SORCS1: variants seen among roughly 807,000 people sequenced by gnomAD.
SORCS1 encodes the protein VPS10 domain-containing receptor SorCS1.
SORCS1 carries 60 observed loss-of-function variants against 146.1 expected under a neutral mutation model. The observed-to-expected ratio is 0.41, with a 90% CI of 0.33 to 0.51. The LOEUF (loss-of-function observed/expected upper bound fraction) is 0.51, where lower values mean the gene tolerates loss of function less well. Ranked by LOEUF, SORCS1 falls within the 20% of genes least tolerant of loss-of-function variation. The pLI is 0.21. For synonymous variants in SORCS1, 637 were observed against 584.0 expected (o/e 1.09, Z -1.31); for missense variants, 1,352 against 1,487.6 (o/e 0.91, Z 1.50).
In SORCS1 at chr10:107,164,134, C is replaced by G. The variant is rs1334156379; in HGVS notation, c.393G>C (p.Val131=). The G allele has an allele frequency of 4.3e-6, 7 of 1,613,426 alleles. No homozygotes were observed. Among genetic ancestry groups the G allele is most frequent in the Non-Finnish European group, 5.9e-6 (7 of 1,180,016 alleles). The change falls in exon 1 of 26, where the codon GTG becomes GTC. Residue 131 remains valine, a synonymous_variant. Transcript: ENST00000263054. The surrounding 1 kb of genome is among the most constrained non-coding windows in gnomAD (Gnocchi z 6.8). The part of the protein sequence containing the change: ...GEGASRSPRG[V]LRDGGQQEPG... Reference sequence around the variant, plus strand: ...GCTCCTGCTGCCCTCCATCTCTTAGCACTCCCCGGGGGCTCCGACTCGCGC... The same window carrying G: ...GCTCCTGCTGCCCTCCATCTCTTAGGACTCCCCGGGGGCTCCGACTCGCGC...
At chr10:106,676,197 G>A (rs946294615) in intron 13 of SORCS1, among the ~76,000 whole-genome samples, 7 of 152,112 alleles carry the variant, frequency 4.6e-5, no homozygotes, top group African/African-American at 1.7e-4. Flanking sequence ...CCAGGCTTTT[G>A]ATTTTGGACA....
chr10:107,015,902 G>C (rs1174277363), intron 1 of SORCS1, among the ~76,000 whole-genome samples: 1 of 152,152 alleles, frequency 6.6e-6, no homozygotes, highest in Non-Finnish European at 1.5e-5. Context: ...GGATGATGGG[G>C]ACACTAAAAT....
chr10:107,048,341 C>A (rs1959719208), intron 1 of SORCS1, among the ~76,000 whole-genome samples: 1 of 152,230 alleles, frequency 6.6e-6, no homozygotes, highest in African/African-American at 2.4e-5. Flanking sequence ...ACATAAATTA[C>A]CTTAGCATGT....
intron 2 of SORCS1, among the ~76,000 whole-genome samples, chr10:106,918,982 G>A (rs922533960): frequency 6.6e-6 from 1 of 152,062 alleles, no homozygotes; most frequent in Non-Finnish European, 1.5e-5. Context: ...GACCACAGGT[G>A]TGCACCACCA....
chr10:106,688,439 T>C (rs561672389), intron 9 of SORCS1, 101 bp from the exon 10 acceptor site: 24 of 1,395,528 alleles, frequency 1.7e-5, no homozygotes, highest in Middle Eastern at 2.4e-4. Flanking sequence ...CTGAGAGCAC[T>C]TGCCTTGGAG....
At chr10:107,065,914 A>G (rs1961804164) in intron 1 of SORCS1, among the ~76,000 whole-genome samples, 1 of 152,184 alleles carries the variant, frequency 6.6e-6, no homozygotes. Context: ...TTGAGGCTCA[A>G]GCTCCCAAGC....
chr10:107,023,119 G>A (rs1461336928), intron 1 of SORCS1, among the ~76,000 whole-genome samples: 4 of 152,310 alleles, frequency 2.6e-5, no homozygotes, highest in African/African-American at 9.6e-5. Context: ...AGTTACATCA[G>A]ATAATGCATG....
chr10:106,642,190 C>T (rs148152672), intron 18 of SORCS1, among the ~76,000 whole-genome samples: 199 of 152,218 alleles, frequency 1.3e-3, no homozygotes, highest in Non-Finnish European at 1.7e-3. Flanking sequence ...CTAGCTCCAT[C>T]GAAGGAAGAC....
At chr10:106,747,884 A>G (rs2136155146) in intron 5 of SORCS1, among the ~76,000 whole-genome samples, 1 of 152,066 alleles carries the variant, frequency 6.6e-6, no homozygotes, top group Admixed American at 6.6e-5. Context: ...ATATATATGT[A>G]TCCCATAAAT....
intron 11 of SORCS1, 82 bp from the exon 12 acceptor site, chr10:106,679,414 G>A: frequency 1.7e-6 from 2 of 1,188,052 alleles, no homozygotes; most frequent in Non-Finnish European, 2.5e-6. Flanking sequence ...CACTGCCTGA[G>A]AAAGATTTTG....
At chr10:106,628,086 G>A (rs1161718414) in intron 19 of SORCS1, among the ~76,000 whole-genome samples, 1 of 152,216 alleles carries the variant, frequency 6.6e-6, no homozygotes, top group South Asian at 2.1e-4. Context: ...GGCAGATTGA[G>A]TTGGCATACT....
intron 3 of SORCS1, among the ~76,000 whole-genome samples, chr10:106,822,782 G>GTTTTTTTGTTTTT (rs1948107568): frequency 8.8e-6 from 1 of 113,168 alleles, no homozygotes; most frequent in South Asian, 3.0e-4. Flanking sequence ...TTCATGTGTG[G>GTTTTTTTGTTTTT]TTTTTTTTTT....
At chr10:107,047,747 T>C (rs1172919569) in intron 1 of SORCS1, among the ~76,000 whole-genome samples, 2 of 152,012 alleles carry the variant, frequency 1.3e-5, no homozygotes, top group Admixed American at 6.6e-5. Flanking sequence ...TCCCTGAAAA[T>C]GGAGACCCAT....
intron 3 of SORCS1, among the ~76,000 whole-genome samples, chr10:106,811,132 G>T (rs930847347): frequency 2.6e-5 from 4 of 151,912 alleles, no homozygotes; most frequent in African/African-American, 4.8e-5. Context: ...TAGAGACGGG[G>T]TTTCACCATC....
At chr10:106,905,460 A>C (rs1256289947) in intron 2 of SORCS1, among the ~76,000 whole-genome samples, 1 of 152,220 alleles carries the variant, frequency 6.6e-6, no homozygotes, top group East Asian at 1.9e-4. Flanking sequence ...TTGTGGAGCA[A>C]GACTATAAAA....
At chr10:106,770,076 C>A (rs984614921) in intron 4 of SORCS1, among the ~76,000 whole-genome samples, 1 of 152,138 alleles carries the variant, frequency 6.6e-6, no homozygotes, top group Non-Finnish European at 1.5e-5. Context: ...CTGGGCAAGA[C>A]AGTAAGACTG....
chr10:106,747,987 C>T (rs1447677608), intron 5 of SORCS1, among the ~76,000 whole-genome samples: 1 of 152,184 alleles, frequency 6.6e-6, no homozygotes, highest in Non-Finnish European at 1.5e-5. Flanking sequence ...ATTTTTCACT[C>T]ACTCAGAAAA....
chr10:106,989,690 T>TTTTG (rs1222077756), intron 1 of SORCS1, among the ~76,000 whole-genome samples: 1 of 140,260 alleles, frequency 7.1e-6, no homozygotes, highest in African/African-American at 2.8e-5. Flanking sequence ...GTTTTTTTTT[T>TTTTG]TTTTTTTTTT....
intron 3 of SORCS1, among the ~76,000 whole-genome samples, chr10:106,800,544 T>G: frequency 7.7e-6 from 1 of 130,056 alleles, no homozygotes. Context: ...TTTTTTAAGA[T>G]GGAGTCTTGC....
Sources: gnomAD v4.1 joint callset for allele counts (sites outside exome capture counted in the v4.1 genomes callset) on GRCh38, gnomAD v4.1.1 for gene constraint, Gnocchi (gnomAD v3.1) non-coding constraint, MANE v1.5 for transcripts, NCBI Gene and HGNC (gene_info 2026-07-23, HGNC 2026-07-21) for gene names.